Variants in EPM2A observed in about 807,000 individuals in gnomAD.
EPM2A encodes EPM2A glucan phosphatase, laforin, also known as laforin.
EPM2A carries 21 observed loss-of-function variants against 26.5 expected under a neutral mutation model. That is an observed-to-expected ratio of 0.79 (90% confidence interval 0.56 to 1.14). EPM2A has a LOEUF of 1.14. EPM2A is among the 50% of genes most tolerant of loss of function. The pLI, the probability that EPM2A is intolerant of heterozygous loss-of-function variation, is 0.00. For missense variants in EPM2A, 458 were observed against 440.8 expected, an observed-to-expected ratio of 1.04 and a Z score of -0.35; for synonymous variants, 217 against 177.6, an observed-to-expected ratio of 1.22 and a Z score of -1.76.
intron 2 of EPM2A, among the ~76,000 whole-genome samples, chr6:145,537,334 G>T (rs753675034): frequency 3.9e-5 from 6 of 152,126 alleles, no homozygotes; most frequent in Admixed American, 6.5e-5. Context: ...ATAGAACATG[G>T]GTTAGGGTGG....
rs566067926 is a variant in EPM2A, at chr6:145,541,214, A to G, written c.341-38639T>C. 3.4e-5 allele frequency among the ~76,000 whole-genome samples: 5 copies of G among 147,018 alleles called. No homozygotes were observed. In the East Asian group the frequency reaches 9.9e-4, roughly 29 times the overall value. On this transcript the variant is annotated intron_variant, in intron 2 of 3. Coordinates refer to the EPM2A transcript ENST00000450221. The stretch of plus-strand genomic sequence containing the variant: ...GTGTGTGTGTGTGTGTGTGTGTACC[A>G]AGTATATGTGTAAATATATAATTAT...
chr6:145,456,441 G>C (rs1287245857), intron 4 of EPM2A, among the ~76,000 whole-genome samples: 6 of 152,172 alleles, frequency 3.9e-5, no homozygotes, highest in Admixed American at 3.9e-4. Context: ...GAGATGAACA[G>C]AGAGATTGAG....
rs1562518389 is a variant in EPM2A at position 145,717,485 on chromosome 6, T to G, written c.301+17713A>C. Among the ~76,000 whole-genome samples, 2 of 152,266 alleles carry G rather than the reference T, an allele frequency of 1.3e-5. 1 individual carries two copies. Among genetic ancestry groups the G allele is most frequent in the East Asian group, 3.9e-4 (2 of 5,178 alleles). ...ACGTATCTCAAAATAATAAGAGCTA[T>G]CTATGACATACCCACAGCTAATATC... On this transcript the variant is annotated intron_variant, in intron 1 of 3. Coordinates refer to ENST00000367519, the MANE Select transcript of EPM2A (RefSeq NM_005670.4).
At chr6:145,566,521 T>C (rs924839504) in intron 2 of EPM2A, among the ~76,000 whole-genome samples, 1 of 152,162 alleles carries the variant, frequency 6.6e-6, no homozygotes, top group East Asian at 1.9e-4. Context: ...AGAACAGTAG[T>C]CTCAATTGTC....
At chr6:145,563,465 G>C (rs1468035349) in intron 2 of EPM2A, among the ~76,000 whole-genome samples, 1 of 151,782 alleles carries the variant, frequency 6.6e-6, no homozygotes. Context: ...AGGAAGATGC[G>C]GTTAGAGAGG....
intron 2 of EPM2A, among the ~76,000 whole-genome samples, chr6:145,650,047 G>C (rs1444855459): frequency 6.6e-6 from 1 of 152,146 alleles, no homozygotes; most frequent in Non-Finnish European, 1.5e-5. Context: ...TATCTATGGG[G>C]GTGGAGGCTC....
At chr6:145,404,207 T>C (rs1380287750) in intron 4 of EPM2A, among the ~76,000 whole-genome samples, 2 of 152,110 alleles carry the variant, frequency 1.3e-5, no homozygotes, top group East Asian at 3.9e-4. Context: ...TTTCTCCCAT[T>C]CTGTGGATTG....
Position 145,619,470 on chromosome 6 carries a change from A to G in EPM2A, c.340+15775T>C, listed in dbSNP as rs1231262462. Among the ~76,000 whole-genome samples the G allele has an allele frequency of 2.6e-5, 4 of 152,238 alleles. No individual in the cohort carries two copies. In the East Asian group the frequency reaches 7.7e-4, roughly 29 times the overall value. The stretch of plus-strand genomic sequence containing the variant: ...GGATGATAGAATGATTTTGGAAGTG[A>G]GCTGATGGAAAGCAAAGGAAGATGT... On this transcript the variant is annotated intron_variant, in intron 2 of 3. Coordinates refer to the EPM2A transcript ENST00000450221.
chr6:145,507,107 C>G (rs1307053387), intron 2 of EPM2A, among the ~76,000 whole-genome samples: 1 of 152,152 alleles, frequency 6.6e-6, no homozygotes, highest in Admixed American at 6.6e-5. Flanking sequence ...TTTTAAATCA[C>G]AAGTAAAAAA....
intron 4 of EPM2A, among the ~76,000 whole-genome samples, chr6:145,474,400 G>T (rs977034366): frequency 5.9e-5 from 9 of 151,932 alleles, no homozygotes; most frequent in African/African-American, 2.2e-4. Flanking sequence ...AGGCAGAAGT[G>T]GCAGTGAGCC....
chr6:145,597,094 C>T (rs1781356200), intron 2 of EPM2A, among the ~76,000 whole-genome samples: 1 of 151,310 alleles, frequency 6.6e-6, no homozygotes. Flanking sequence ...CGGGGTTTCA[C>T]CTTGTTAGCC....
intron 4 of EPM2A, among the ~76,000 whole-genome samples, chr6:145,436,497 C>T (rs1194525034): frequency 6.6e-6 from 1 of 152,196 alleles, no homozygotes; most frequent in African/African-American, 2.4e-5. Context: ...CCTCCTCACC[C>T]ACATTTGCTA....
chr6:145,572,202 T>C (rs1476644948), intron 2 of EPM2A, among the ~76,000 whole-genome samples: 1 of 152,222 alleles, frequency 6.6e-6, no homozygotes, highest in Non-Finnish European at 1.5e-5. Flanking sequence ...GCTATAGTGC[T>C]GCAGCTGTCT....
At chr6:145,430,009 C>A (rs1562331334) in intron 4 of EPM2A, among the ~76,000 whole-genome samples, 1 of 151,994 alleles carries the variant, frequency 6.6e-6, no homozygotes, top group African/African-American at 2.4e-5. Flanking sequence ...CCAGCCTGGG[C>A]AACCTGGTGA....
At chr6:145,727,063 AT>A (rs1776248404) in intron 1 of EPM2A, among the ~76,000 whole-genome samples, 1 of 152,148 alleles carries the variant, frequency 6.6e-6, no homozygotes, top group Non-Finnish European at 1.5e-5. Flanking sequence ...ATGTAATATA[AT>A]TTATCATACC....
intron 2 of EPM2A, among the ~76,000 whole-genome samples, chr6:145,574,481 C>T (rs531909922): frequency 6.6e-6 from 1 of 152,316 alleles, no homozygotes; most frequent in South Asian, 2.1e-4. Flanking sequence ...GTGGTTCCCA[C>T]TGTTAGATCT....
chr6:145,497,171 AG>A (rs1306935740), downstream of EPM2A, among the ~76,000 whole-genome samples: 2 of 152,224 alleles, frequency 1.3e-5, no homozygotes, highest in Non-Finnish European at 2.9e-5. Context: ...CTTGATCTAA[AG>A]GAGCACATTC....
chr6:145,730,302 G>C (rs181662336), intron 1 of EPM2A, among the ~76,000 whole-genome samples: 3 of 152,198 alleles, frequency 2.0e-5, no homozygotes, highest in Admixed American at 6.5e-5. Context: ...TGGGAGTGTG[G>C]AGGTATTCTG....
At chr6:145,680,299 CCT>C (rs1780408220) in intron 2 of EPM2A, among the ~76,000 whole-genome samples, 1 of 151,120 alleles carries the variant, frequency 6.6e-6, no homozygotes, top group African/African-American at 2.4e-5. Flanking sequence ...AACACATAAA[CCT>C]CTCTAGATAA....
Sources: gnomAD v4.1 joint callset for allele counts (sites outside exome capture counted in the v4.1 genomes callset) on GRCh38, gnomAD v4.1.1 for gene constraint, MANE v1.5 for transcripts, NCBI Gene and HGNC (gene_info 2026-07-23, HGNC 2026-07-21) for gene names.